The following CHST11 variants were observed in gnomAD, a reference collection of about 807,000 sequenced individuals.
CHST11 encodes the protein C4S-1.
Under a neutral mutation model 30.4 loss-of-function variants are expected in CHST11, and 9 were observed. The observed-to-expected ratio is 0.30, with a 90% CI of 0.18 to 0.52. The LOEUF (loss-of-function observed/expected upper bound fraction) is 0.52. Among genes scored for constraint, CHST11 ranks in the 20% least tolerant of loss-of-function variants. The pLI is 0.97. For synonymous variants in CHST11, 152 were observed against 187.8 expected (o/e 0.81, Z 1.56); for missense variants, 348 against 460.6 (o/e 0.76, Z 2.24).
intron 2 of CHST11, among the ~76,000 whole-genome samples, chr12:104,748,950 G>T (rs529668915): frequency 6.6e-6 from 1 of 152,296 alleles, no homozygotes; most frequent in East Asian, 1.9e-4. Context: ...TTAGTACTCA[G>T]GGGTAGCCAG....
At chr12:104,730,912 T>TG (rs896082812) in intron 2 of CHST11, among the ~76,000 whole-genome samples, 1 of 152,192 alleles carries the variant, frequency 6.6e-6, no homozygotes, top group Non-Finnish European at 1.5e-5. Context: ...CACAGCTCCC[T>TG]GGTCCCAGCT....
At chr12:104,491,558 T>TCC (rs991683402) in intron 1 of CHST11, among the ~76,000 whole-genome samples, 1 of 152,020 alleles carries the variant, frequency 6.6e-6, no homozygotes, top group Non-Finnish European at 1.5e-5. Flanking sequence ...AGCCTTGAAC[T>TCC]CCCAGGCTCA....
intron 1 of CHST11, among the ~76,000 whole-genome samples, chr12:104,476,267 T>C (rs896160569): frequency 3.3e-5 from 5 of 149,764 alleles, no homozygotes; most frequent in South Asian, 2.1e-4. Flanking sequence ...ATATATGTAA[T>C]ATGTACACAT....
At chr12:104,459,893 A>T (rs2037390792) in intron 1 of CHST11, among the ~76,000 whole-genome samples, 1 of 152,264 alleles carries the variant, frequency 6.6e-6, no homozygotes, top group Admixed American at 6.5e-5. Flanking sequence ...TGTTGAATGT[A>T]GAATTACAGA....
intron 1 of CHST11, among the ~76,000 whole-genome samples, chr12:104,496,223 G>C (rs544585913): frequency 6.6e-6 from 1 of 152,152 alleles, no homozygotes; most frequent in Non-Finnish European, 1.5e-5. Context: ...TGGGGAGGAA[G>C]GTGTGTTGAT....
In CHST11 at chr12:104,757,587, A is replaced by G; in HGVS notation, c.843A>G (p.Thr281=). The part of the protein sequence containing the change: ...IHYDLVGKYE[T]LEEDSNYVLQ... ...ATGACCTCGTGGGCAAGTACGAGACACTGGAAGAGGATTCTAATTACGTCC... is the reference window on the plus strand; with the variant it reads ...ATGACCTCGTGGGCAAGTACGAGACGCTGGAAGAGGATTCTAATTACGTCC... Residue 281 remains threonine, a synonymous_variant, in exon 3 of 3, where the codon ACA becomes ACG. Coordinates refer to ENST00000303694, the MANE Select transcript of CHST11 (RefSeq NM_018413.6). This position sits in a 1 kb window ranked among gnomAD's most constrained non-coding sequence, Gnocchi z 6.5. The G allele has an allele frequency of 6.2e-7, 1 of 1,614,192 alleles. No individual in the cohort carries two copies. The highest frequency in any genetic ancestry group is 8.5e-7 in the Non-Finnish European group (1 of 1,180,032).
chr12:104,678,615 C>A (rs2039764537), intron 2 of CHST11, among the ~76,000 whole-genome samples: 2 of 152,170 alleles, frequency 1.3e-5, no homozygotes, highest in Non-Finnish European at 2.9e-5. Context: ...TGAATTGATT[C>A]AGCAATTGTA....
At chr12:104,465,162 G>A (rs2037445761) in intron 1 of CHST11, among the ~76,000 whole-genome samples, 1 of 152,204 alleles carries the variant, frequency 6.6e-6, no homozygotes, top group Non-Finnish European at 1.5e-5. Flanking sequence ...AGTAAGTGAT[G>A]AAAAATGGCA....
intron 1 of CHST11, among the ~76,000 whole-genome samples, chr12:104,580,766 G>A (rs1237414502): frequency 6.6e-6 from 1 of 152,116 alleles, no homozygotes; most frequent in Non-Finnish European, 1.5e-5. Flanking sequence ...CATATTTCTT[G>A]TTTTCTTTTT....
At chr12:104,655,306 C>T (rs2039534019) in intron 2 of CHST11, among the ~76,000 whole-genome samples, 1 of 152,238 alleles carries the variant, frequency 6.6e-6, no homozygotes, top group Non-Finnish European at 1.5e-5. Flanking sequence ...TTCCACTTCA[C>T]AGCATTTCTT....
chr12:104,537,285 A>G (rs2038245896), intron 1 of CHST11, among the ~76,000 whole-genome samples: 1 of 152,224 alleles, frequency 6.6e-6, no homozygotes, highest in Non-Finnish European at 1.5e-5. Flanking sequence ...AGAACCTAAG[A>G]TGGTGGGCTG....
intron 2 of CHST11, among the ~76,000 whole-genome samples, chr12:104,611,567 T>G (rs1279649165): frequency 2.6e-5 from 4 of 152,244 alleles, no homozygotes; most frequent in Admixed American, 6.5e-5. Flanking sequence ...CAGTGGATGT[T>G]TGGGCAGTGA....
chr12:104,568,397 G>A (rs2038590043), intron 1 of CHST11, among the ~76,000 whole-genome samples: 1 of 152,176 alleles, frequency 6.6e-6, no homozygotes, highest in African/African-American at 2.4e-5. Flanking sequence ...CCATGGGATG[G>A]GAACAGAGGA....
intron 2 of CHST11, among the ~76,000 whole-genome samples, chr12:104,670,934 T>C (rs2039690413): frequency 6.6e-6 from 1 of 152,130 alleles, no homozygotes; most frequent in African/African-American, 2.4e-5. Flanking sequence ...ACACACTCTT[T>C]TCCAGCTTTG....
At chr12:104,632,161 C>A (rs984382000) in intron 2 of CHST11, among the ~76,000 whole-genome samples, 11 of 152,206 alleles carry the variant, frequency 7.2e-5, no homozygotes, top group African/African-American at 2.6e-4. Context: ...ACGAGACCTC[C>A]TGGATTCCAG....
intron 2 of CHST11, among the ~76,000 whole-genome samples, chr12:104,706,635 G>T (rs528388961): frequency 6.6e-6 from 1 of 152,192 alleles, no homozygotes; most frequent in African/African-American, 2.4e-5. Flanking sequence ...GACTTTGGGG[G>T]CAAGGTCTCT....
intron 2 of CHST11, among the ~76,000 whole-genome samples, chr12:104,718,033 T>C (rs1034354548): frequency 3.3e-5 from 5 of 152,232 alleles, no homozygotes; most frequent in African/African-American, 1.2e-4. Flanking sequence ...GACTTGTTCA[T>C]GGAGCCCCTC....
At chr12:104,734,122 GT>G (rs2040279393) in intron 2 of CHST11, among the ~76,000 whole-genome samples, 1 of 152,260 alleles carries the variant, frequency 6.6e-6, no homozygotes, top group Non-Finnish European at 1.5e-5. Flanking sequence ...TTATTGAGAG[GT>G]ACCTGGTCAG....
At chr12:104,514,947 A>G (rs777854631) in intron 1 of CHST11, among the ~76,000 whole-genome samples, 13 of 152,174 alleles carry the variant, frequency 8.5e-5, no homozygotes, top group Non-Finnish European at 1.6e-4. Flanking sequence ...TGAAGAACCA[A>G]TCTGTTAGGG....
Sources: allele counts gnomAD v4.1 joint callset (sites outside exome capture counted in the v4.1 genomes callset), GRCh38; gene constraint gnomAD v4.1.1; non-coding constraint Gnocchi (gnomAD v3.1); transcripts MANE v1.5; gene names NCBI Gene and HGNC (gene_info 2026-07-23, HGNC 2026-07-21).